Variants in BMX observed in about 807,000 individuals in gnomAD.
BMX encodes cytoplasmic tyrosine-protein kinase BMX.
A neutral mutation model predicts 59.2 loss-of-function variants in BMX; 31 were observed. That is an observed-to-expected ratio of 0.52 (90% CI 0.39 to 0.71). The LOEUF (loss-of-function observed/expected upper bound fraction) is 0.71, where lower values mean the gene tolerates loss of function less well. BMX is among the 30% of genes least tolerant of loss of function. BMX has a pLI of 0.00. For synonymous variants in BMX, 185 were observed against 181.0 expected, an observed-to-expected ratio of 1.02 and a Z score of -0.18; for missense variants, 474 against 491.7, an observed-to-expected ratio of 0.96 and a Z score of 0.34.
At position 15,509,301 on chromosome X, in the gene BMX, G is replaced by A. The variant is rs769341906; in HGVS notation, c.139-28G>A. ...TGTGCACCATGATGTATTGCAGGAA[G>A]TATCTTACATTTTGTTTTTTAATTC... On this transcript the variant is annotated intron_variant, in intron 2 of 18. Transcript: ENST00000348343. 9.7e-6 allele frequency: 11 copies of A among 1,136,103 alleles called. No individual in the cohort carries two copies. The East Asian group carries it at 1.9e-4, about 20-fold the overall frequency. 93.6% of individuals were successfully genotyped at this position (1,136,103 alleles called of 1,213,427 possible). A position where few individuals can be genotyped will look rare whatever the true frequency, so the allele number is the denominator to read the frequency against.
chrX:15,542,095 G>T lies in BMX; in HGVS notation c.1508G>T (p.Ser503Ile). 1 of 1,211,623 alleles carries T rather than the reference G, an allele frequency of 8.3e-7. No homozygotes were observed. The highest frequency in any genetic ancestry group is 1.1e-6 in the Non-Finnish European group (1 of 895,307). ...GGCTGCTTGCTGAATTACCTGAGGA[G>T]TCACGGAAAAGGACTTGAACCTTCC... Reference protein sequence around the residue: ...SNGCLLNYLRSHGKGLEPSQL... With the variant: ...SNGCLLNYLRIHGKGLEPSQL... The change falls in exon 15 of 19, where the codon AGT (serine) becomes ATT (isoleucine). Residue 503 changes from serine to isoleucine, a missense_variant. By Grantham distance (142) the Ser-to-Ile change is moderately radical (BLOSUM62 -2). Transcript: ENST00000348343.
chrX:15,537,055 G>C (rs1925394811), intron 13 of BMX, 79 bp from the exon 14 acceptor site: 1 of 1,028,900 alleles, frequency 9.7e-7, no homozygotes, highest in Admixed American at 2.5e-5. Flanking sequence ...ACTCCCATTG[G>C]AGAAGAAATC....
chrX:15,551,302 G>A (rs1037026024), intron 18 of BMX, among the ~76,000 whole-genome samples: 5 of 111,430 alleles, frequency 4.5e-5, no homozygotes, highest in African/African-American at 1.6e-4. Flanking sequence ...TAATGGTTAA[G>A]CCTGTGGGTT....
At chrX:15,532,004 A>G (rs1327271468) in intron 11 of BMX, among the ~76,000 whole-genome samples, 2 of 112,069 alleles carry the variant, frequency 1.8e-5, no homozygotes, top group African/African-American at 3.2e-5. Flanking sequence ...TGTGACATTG[A>G]GCAAGTTTCT....
At chrX:15,518,082 T>G in intron 6 of BMX, 89 bp downstream of exon 6, 6 of 780,937 alleles carry the variant, frequency 7.7e-6, no homozygotes, top group Non-Finnish European at 1.1e-5. Context: ...AAATGTGGAA[T>G]TCATTTAGAC....
intron 5 of BMX, among the ~76,000 whole-genome samples, 164 bp from the exon 6 acceptor site, chrX:15,517,765 C>T (rs1226169433): frequency 8.9e-6 from 1 of 112,331 alleles, no homozygotes; most frequent in Non-Finnish European, 1.9e-5. Flanking sequence ...GGAGTTGGGC[C>T]TTATATAGGA....
At chrX:15,525,961 G>A (rs911096236) in intron 8 of BMX, 81 bp from the exon 9 acceptor site, 2 of 826,599 alleles carry the variant, frequency 2.4e-6, no homozygotes, top group Middle Eastern at 2.8e-4. Context: ...AATCAGGGTG[G>A]GATTTGATAT....
At chrX:15,528,649 C>T (rs1204900809) in intron 9 of BMX, among the ~76,000 whole-genome samples, 8 of 109,319 alleles carry the variant, frequency 7.3e-5, no homozygotes, top group Admixed American at 1.9e-4. Flanking sequence ...CAGAGTGAGA[C>T]CCTGTCAAAA....
intron 11 of BMX, among the ~76,000 whole-genome samples, chrX:15,533,730 C>T (rs915268836): frequency 1.8e-5 from 2 of 111,546 alleles, no homozygotes; most frequent in African/African-American, 6.5e-5. Context: ...AAAGGACATC[C>T]TCACCTACTT....
Position 15,537,324 on chromosome X carries a change from A to G in BMX, c.1394+19A>G, listed in dbSNP as rs1925413180. 8.3e-7 allele frequency: 1 copy of G among 1,209,408 alleles called. No homozygotes were observed. Among genetic ancestry groups the G allele is most frequent in the Non-Finnish European group, 1.1e-6 (1 of 894,155 alleles). The stretch of plus-strand genomic sequence containing the variant: ...CTATGATGTAAGTTTTTCCCAAGGA[A>G]TGGCTGTTTAGCCCTCATCATGGGA... On this transcript the variant is annotated intron_variant, in intron 14 of 18. Transcript: ENST00000348343.
chrX:15,546,824 T>C lies in BMX; in HGVS notation c.1698T>C (p.Tyr566=). Reference sequence around the variant, plus strand: ...GCAGGTATGTTCTTGATGACCAGTATGTCAGTTCAGTCGGAACAAAGTTTC... The same window carrying C: ...GCAGGTATGTTCTTGATGACCAGTACGTCAGTTCAGTCGGAACAAAGTTTC... ...GMTRYVLDDQ[Y]VSSVGTKFPV... The change falls in exon 17 of 19, where the codon TAT becomes TAC. Residue 566 remains tyrosine (Y), a synonymous_variant. Transcript: ENST00000348343. The C allele has an allele frequency of 8.3e-7, 1 of 1,210,219 alleles. No homozygotes were observed.
At chrX:15,519,606 C>A (rs1408187813) in intron 6 of BMX, among the ~76,000 whole-genome samples, 2 of 111,366 alleles carry the variant, frequency 1.8e-5, no homozygotes, top group African/African-American at 6.5e-5. Context: ...TTTCTTAGTC[C>A]ATTTGTGCTC....
chrX:15,521,499 C>T (rs1251074118), intron 6 of BMX, among the ~76,000 whole-genome samples: 1 of 112,002 alleles, frequency 8.9e-6, no homozygotes, highest in African/African-American at 3.2e-5. Context: ...CATTTATTCT[C>T]TTATAGTTTG....
intron 4 of BMX, among the ~76,000 whole-genome samples, chrX:15,512,351 G>GATTTTATTTTATTTT (rs759496829): frequency 9.5e-6 from 1 of 105,351 alleles, no homozygotes; most frequent in African/African-American, 4.0e-5. Context: ...GATGGAGGAA[G>GATTTTATTTTATTTT]ATTTTATTTT....
chrX:15,534,371 CT>C, intron 12 of BMX, 32 bp downstream of exon 12: 1 of 1,127,004 alleles, frequency 8.9e-7, no homozygotes, highest in South Asian at 2.3e-5. Context: ...TTTATGGGCC[CT>C]TGTTGTAAAA....
chrX:15,507,309 G>A (rs1437739687), intron 1 of BMX: 24 of 751,237 alleles, frequency 3.2e-5, no homozygotes, highest in Non-Finnish European at 3.0e-5. Context: ...ATAGCCAGAG[G>A]GAATATGAGT....
At chrX:15,542,250 A>C (rs776692568) in intron 15 of BMX, 52 bp downstream of exon 15, 5 of 1,119,164 alleles carry the variant, frequency 4.5e-6, no homozygotes, top group Non-Finnish European at 6.1e-6. Context: ...CACGGCTCCC[A>C]CTTCTGGAGA....
At position 15,522,392 on chromosome X, in the gene BMX, C is replaced by T. The variant is rs777767005; in HGVS notation, c.557C>T (p.Ser186Phe). The T allele has an allele frequency of 5.8e-6, 7 of 1,211,937 alleles. No homozygotes were observed. The highest frequency in any genetic ancestry group is 7.8e-6 in the Non-Finnish European group (7 of 895,449). ...AVPVLKMDAP[S>F]SSTTLAQYDN... ...CCTGTTCTCAAAATGGATGCACCATCTTCAAGTACCACTCTAGCCCAATAT... is the reference window on the plus strand; with the variant it reads ...CCTGTTCTCAAAATGGATGCACCATTTTCAAGTACCACTCTAGCCCAATAT... The change falls in exon 7 of 19, where the codon TCT becomes TTT. Residue 186 changes from serine (S) to phenylalanine (F), a missense_variant. Physicochemically the swap from Ser to Phe is radical, Grantham distance 155 (BLOSUM62 -2). Transcript: ENST00000348343.
intron 11 of BMX, among the ~76,000 whole-genome samples, chrX:15,532,223 T>G (rs935320613): frequency 1.8e-5 from 2 of 111,266 alleles, no homozygotes; most frequent in African/African-American, 6.6e-5. Context: ...ACCCTAACAC[T>G]TGGGCATAAA....
Sources: allele counts gnomAD v4.1 joint callset (sites outside exome capture counted in the v4.1 genomes callset), GRCh38; gene constraint gnomAD v4.1.1; transcripts MANE v1.5; gene names NCBI Gene and HGNC (gene_info 2026-07-23, HGNC 2026-07-21).